The following NUBPL variants were observed in gnomAD, a reference collection of about 807,000 sequenced individuals.
The protein encoded by NUBPL is iron-sulfur cluster transfer protein NUBPL.
NUBPL carries 31 observed loss-of-function variants against 45.7 expected under a neutral mutation model. That is an observed-to-expected ratio of 0.68 (90% confidence interval 0.51 to 0.92). The LOEUF is 0.92. Among genes scored for constraint, NUBPL ranks in the 40% least tolerant of loss-of-function variants. NUBPL has a pLI of 0.00. For missense variants in NUBPL, 401 were observed against 398.7 expected, an observed-to-expected ratio of 1.01 and a Z score of -0.05; for synonymous variants, 144 against 140.9, an observed-to-expected ratio of 1.02 and a Z score of -0.15.
intron 4 of NUBPL, among the ~76,000 whole-genome samples, chr14:31,611,658 T>C (rs1415916259): frequency 1.3e-5 from 2 of 152,186 alleles, no homozygotes; most frequent in South Asian, 2.1e-4. Context: ...TCACATTACC[T>C]GACTTCAAAT....
At chr14:31,702,559 C>A (rs557704208) in intron 6 of NUBPL, among the ~76,000 whole-genome samples, 1 of 152,236 alleles carries the variant, frequency 6.6e-6, no homozygotes, top group East Asian at 1.9e-4. Context: ...TACTGGTTTC[C>A]AAAATGAATG....
intron 6 of NUBPL, among the ~76,000 whole-genome samples, chr14:31,772,933 G>A (rs997783380): frequency 3.9e-5 from 6 of 151,962 alleles, no homozygotes; most frequent in Non-Finnish European, 8.8e-5. Flanking sequence ...TTTATCATTT[G>A]GGAAGAAAAT....
At chr14:31,702,300 G>C (rs1436122164) in intron 6 of NUBPL, among the ~76,000 whole-genome samples, 1 of 152,198 alleles carries the variant, frequency 6.6e-6, no homozygotes, top group Non-Finnish European at 1.5e-5. Context: ...TTGATGTTCA[G>C]AGTTTTTATT....
chr14:31,772,022 A>T, intron 6 of NUBPL: 1 of 261,644 alleles, frequency 3.8e-6, no homozygotes, highest in Non-Finnish European at 5.9e-6. Flanking sequence ...AGGGGGCTTC[A>T]GAAAGCCACT....
intron 7 of NUBPL, among the ~76,000 whole-genome samples, chr14:31,799,322 T>A (rs989879352): frequency 6.6e-6 from 1 of 152,194 alleles, no homozygotes. Context: ...ATTATCTTAT[T>A]TGATCCTTAC....
At chr14:31,799,576 T>C (rs1156407706) in intron 7 of NUBPL, among the ~76,000 whole-genome samples, 1 of 152,208 alleles carries the variant, frequency 6.6e-6, no homozygotes, top group Non-Finnish European at 1.5e-5. Context: ...GCATGAACTT[T>C]TTGGTTTCTC....
In NUBPL at chr14:31,814,949, A is replaced by G. The variant is rs1384227602; in HGVS notation, c.608-11680A>G. On this transcript the variant is annotated intron_variant, in intron 7 of 10. Coordinates refer to ENST00000281081, the MANE Select transcript of NUBPL (RefSeq NM_025152.3). Reference sequence around the variant, plus strand: ...GTTTTGATTGCTGTAGACTTGTAGTATAGTTTGAAGTCAGGTAGCGTGATG... The same window carrying G: ...GTTTTGATTGCTGTAGACTTGTAGTGTAGTTTGAAGTCAGGTAGCGTGATG... Among the ~76,000 whole-genome samples, 4 of 152,142 alleles carry G rather than the reference A, an allele frequency of 2.6e-5. No individual in the cohort carries two copies. The South Asian group carries it at 8.3e-4, about 32-fold the overall frequency.
chr14:31,605,603 A>T (rs1370464553), intron 4 of NUBPL, among the ~76,000 whole-genome samples: 1 of 152,182 alleles, frequency 6.6e-6, no homozygotes, highest in Non-Finnish European at 1.5e-5. Context: ...ATTAATGTGT[A>T]TGTAGGCTTC....
At chr14:31,664,970 G>A (rs573425769) in intron 4 of NUBPL, among the ~76,000 whole-genome samples, 3 of 152,220 alleles carry the variant, frequency 2.0e-5, no homozygotes, top group Non-Finnish European at 4.4e-5. Context: ...ATGTGTCCGG[G>A]AATTTATGCA....
At chr14:31,646,322 G>A (rs1443337627) in intron 4 of NUBPL, among the ~76,000 whole-genome samples, 2 of 151,978 alleles carry the variant, frequency 1.3e-5, no homozygotes, top group Non-Finnish European at 2.9e-5. Context: ...AAGTAGCTGG[G>A]ATTACAGGCA....
At chr14:31,618,123 TC>T (rs1205865092) in intron 4 of NUBPL, among the ~76,000 whole-genome samples, 3 of 152,100 alleles carry the variant, frequency 2.0e-5, no homozygotes, top group African/African-American at 4.8e-5. Context: ...TGGTGATATT[TC>T]CTTTATCTTT....
At chr14:31,645,903 A>T (rs2120138) in intron 4 of NUBPL, among the ~76,000 whole-genome samples, 23,828 of 150,938 alleles carry the variant, frequency 0.16, 5,305 homozygotes, top group African/African-American at 0.5. Context: ...TAAAGTTATG[A>T]GTGGACTACA....
Position 31,639,919 on chromosome 14 carries a change from G to GT in NUBPL, c.383-33430dup, listed in dbSNP as rs565405272. ...GCGGGATATAATCTCCTGATGCGCC[G>GT]TTTTTTAAGCCCGTTGGAAAAGCGC... On this transcript the variant is annotated intron_variant, in intron 4 of 10. Coordinates refer to ENST00000281081, the MANE Select transcript of NUBPL (RefSeq NM_025152.3). 2.5e-3 allele frequency among the ~76,000 whole-genome samples: 382 copies of GT among 152,264 alleles called. 1 individual carries two copies. Among genetic ancestry groups the GT allele is most frequent in the African/African-American group, 8.4e-3 (349 of 41,558 alleles).
intron 6 of NUBPL, among the ~76,000 whole-genome samples, chr14:31,742,237 TACACACAC>T (rs3035713): frequency 0.013 from 1,792 of 141,458 alleles, 33 homozygotes; most frequent in African/African-American, 0.044. Context: ...AACTATTGTG[TACACACAC>T]ACACACACAC....
chr14:31,561,914 C>T (rs1317428727), intron 1 of NUBPL, among the ~76,000 whole-genome samples, 154 bp from the exon 2 acceptor site: 1 of 152,128 alleles, frequency 6.6e-6, no homozygotes, highest in Non-Finnish European at 1.5e-5. Context: ...CAATTGTTAT[C>T]AGTAGTAGTA....
chr14:31,853,405 G>A (rs8016527), intron 10 of NUBPL, among the ~76,000 whole-genome samples: 39,868 of 152,040 alleles, frequency 0.26, 7,920 homozygotes, highest in African/African-American at 0.56. Context: ...TCATAGGCAC[G>A]ATTATAAATC....
intron 7 of NUBPL, among the ~76,000 whole-genome samples, chr14:31,825,860 A>AT (rs531767742): frequency 0.016 from 1,546 of 94,900 alleles, 17 homozygotes; most frequent in Middle Eastern, 0.1. Flanking sequence ...TTTTTCTTCC[A>AT]TTTTTTTTTT....
intron 7 of NUBPL, among the ~76,000 whole-genome samples, chr14:31,790,995 G>A (rs949640468): frequency 3.3e-5 from 5 of 152,150 alleles, no homozygotes; most frequent in African/African-American, 1.2e-4. Context: ...AATGCCAGAT[G>A]TAGTGGCTCA....
intron 4 of NUBPL, among the ~76,000 whole-genome samples, chr14:31,600,124 G>A (rs1219013300): frequency 2.6e-5 from 4 of 151,948 alleles, no homozygotes; most frequent in Non-Finnish European, 5.9e-5. Flanking sequence ...GTTTCGCCAT[G>A]TTGGTCAGGC....
Sources: gnomAD v4.1 joint callset for allele counts (sites outside exome capture counted in the v4.1 genomes callset) on GRCh38, gnomAD v4.1.1 for gene constraint, MANE v1.5 for transcripts, NCBI Gene and HGNC (gene_info 2026-07-23, HGNC 2026-07-21) for gene names.